WDR26: variants seen among roughly 807,000 people sequenced by gnomAD.
The protein encoded by WDR26 is WD repeat domain 26.
A neutral mutation model predicts 84.1 loss-of-function variants in WDR26; 5 were observed. The ratio of observed to expected loss-of-function variants is 0.06; its 90% CI spans 0.03 to 0.13. WDR26 has a LOEUF of 0.13. WDR26 is among the 10% of genes least tolerant of loss of function. The pLI, the probability that WDR26 is intolerant of heterozygous loss-of-function variation, is 1.00. For synonymous variants in WDR26, 415 were observed against 389.6 expected (o/e 1.07, Z -0.77); for missense variants, 642 against 974.9 (o/e 0.66, Z 4.55).
intron 7 of WDR26, among the ~76,000 whole-genome samples, chr1:224,409,689 C>T (rs991369603): frequency 8.6e-5 from 13 of 151,640 alleles, no homozygotes; most frequent in Non-Finnish European, 1.5e-4. Flanking sequence ...GGTGAAACCC[C>T]GTCTCTACTT....
At chr1:224,407,474 G>A (rs1019355606) in intron 7 of WDR26, among the ~76,000 whole-genome samples, 8 of 143,834 alleles carry the variant, frequency 5.6e-5, no homozygotes, top group African/African-American at 1.6e-4. Context: ...ACACACACAC[G>A]TTCAAAAAGG....
At chr1:224,423,570 G>A (rs539282591) in intron 4 of WDR26, among the ~76,000 whole-genome samples, 1 of 152,284 alleles carries the variant, frequency 6.6e-6, no homozygotes, top group African/African-American at 2.4e-5. Flanking sequence ...GCAACATAGC[G>A]AGACCTGTCT....
intron 4 of WDR26, among the ~76,000 whole-genome samples, chr1:224,419,880 G>GTTTCT (rs1674010590): frequency 5.3e-4 from 4 of 7,508 alleles, no homozygotes; most frequent in Admixed American, 4.3e-3. Context: ...TTATTGTGCA[G>GTTTCT]GTTCTAGCAC....
intron 3 of WDR26, among the ~76,000 whole-genome samples, chr1:224,426,837 C>G (rs912762606): frequency 8.6e-5 from 13 of 151,656 alleles, no homozygotes; most frequent in Non-Finnish European, 5.9e-5. Context: ...TGGCTCACAC[C>G]TGTAATCCCA....
chr1:224,421,396 C>T (rs987695656), intron 4 of WDR26, among the ~76,000 whole-genome samples: 1 of 151,996 alleles, frequency 6.6e-6, no homozygotes, highest in Non-Finnish European at 1.5e-5. Context: ...ACTAGCCTGG[C>T]CAACATGGCG....
At chr1:224,407,151 A>AAAAAAAGAAAATATATATATATAT in intron 7 of WDR26, among the ~76,000 whole-genome samples, 1 of 11,868 alleles carries the variant, frequency 8.4e-5, no homozygotes, top group Non-Finnish European at 1.4e-4. Flanking sequence ...AAAAAAAAAA[A>AAAAAAAGAAAATATATATATATAT]ATATATATAT....
At chr1:224,405,741 A>G (rs1023244387) in intron 7 of WDR26, among the ~76,000 whole-genome samples, 4 of 152,258 alleles carry the variant, frequency 2.6e-5, no homozygotes, top group Non-Finnish European at 5.9e-5. Context: ...ATTGTATGCT[A>G]TGCAAGCTGA....
chr1:224,406,951 G>A (rs1195771086), intron 7 of WDR26, among the ~76,000 whole-genome samples: 2 of 150,292 alleles, frequency 1.3e-5, no homozygotes, highest in African/African-American at 2.5e-5. Flanking sequence ...GTGAAACCCT[G>A]TCTCTACTAA....
chr1:224,410,236 G>A (rs1335982438), intron 7 of WDR26, among the ~76,000 whole-genome samples: 1 of 141,304 alleles, frequency 7.1e-6, no homozygotes. Flanking sequence ...AGCCAAGATC[G>A]CACCATTGCA....
chr1:224,434,571 T>A lies in WDR26; in HGVS notation c.-166A>T. On this transcript the variant is annotated 5_prime_UTR_variant, in exon 1 of 14. Transcript: ENST00000414423. ...GGGGAGAAGGAGGATCCGGGCCCTTTCCCCCCCCCCTCCCGGAGGCAGCTC... is the reference window on the plus strand; with the variant it reads ...GGGGAGAAGGAGGATCCGGGCCCTTACCCCCCCCCCTCCCGGAGGCAGCTC... The A allele has an allele frequency of 3.4e-6, 1 of 295,976 alleles. No individual in the cohort carries two copies. Among genetic ancestry groups the A allele is most frequent in the Non-Finnish European group, 4.4e-6 (1 of 228,142 alleles). The allele number at this position is 295,976 out of a possible 1,614,324, so 18.3% of individuals were successfully genotyped here.
At chr1:224,424,918 G>A (rs527932294) in intron 3 of WDR26, among the ~76,000 whole-genome samples, 1 of 152,232 alleles carries the variant, frequency 6.6e-6, no homozygotes, top group South Asian at 2.1e-4. Context: ...TGAGGCATCA[G>A]CCTTGGAAAA....
Position 224,401,028 on chromosome 1 carries a change from G to A in WDR26, c.1641C>T (p.Asp547=). 6.2e-7 allele frequency: 1 copy of A among 1,613,994 alleles called. No homozygotes were observed. Among genetic ancestry groups the A allele is most frequent in the Non-Finnish European group, 8.5e-7 (1 of 1,179,950 alleles). Residue 547 remains aspartate (D), a synonymous_variant, in exon 9 of 14, where the codon GAC becomes GAT. Transcript: ENST00000414423. ...GATTCCAAGCCACACTTGTCAAACTGTCTTCATGAGACTGGCTCATTTTTG... is the reference window on the plus strand; with the variant it reads ...GATTCCAAGCCACACTTGTCAAACTATCTTCATGAGACTGGCTCATTTTTG...
intron 4 of WDR26, among the ~76,000 whole-genome samples, chr1:224,420,301 C>T (rs1198729902): frequency 6.6e-6 from 1 of 152,130 alleles, no homozygotes; most frequent in Non-Finnish European, 1.5e-5. Context: ...ACATGAGGGG[C>T]CCCTGCTGGG....
intron 12 of WDR26, among the ~76,000 whole-genome samples, chr1:224,395,336 TA>T (rs1225918177): frequency 6.6e-6 from 1 of 152,206 alleles, no homozygotes. Flanking sequence ...TAGAAAGGTG[TA>T]TAACTTAATG....
rs532273023 is a variant in WDR26, at chr1:224,413,215, C to G, written c.1320-1650G>C. 6.9e-5 allele frequency: 55 copies of G among 793,412 alleles called. No individual in the cohort carries two copies. The East Asian group carries it at 2.0e-3, about 29-fold the overall frequency. 49.1% of individuals were successfully genotyped at this position (793,412 alleles called of 1,614,324 possible). ...CAACAACAACAACAAAAACCCCCCC[C>G]CCCAAAAAAAACGTTATTTAAACAA... On this transcript the variant is annotated intron_variant, in intron 6 of 13. Coordinates refer to ENST00000414423, the MANE Select transcript of WDR26 (RefSeq NM_001379403.1).
chr1:224,389,978 T>A, intron 13 of WDR26, 118 bp from the exon 14 acceptor site: 1 of 693,462 alleles, frequency 1.4e-6, no homozygotes, highest in South Asian at 2.0e-5. Context: ...TACAAAATTA[T>A]ACTAACATTA....
intron 1 of WDR26, 91 bp downstream of exon 1, chr1:224,433,593 G>GGCCCCCCC: frequency 1.2e-6 from 1 of 829,660 alleles, no homozygotes; most frequent in Non-Finnish European, 1.8e-6. Context: ...GCTCTTTCAA[G>GGCCCCCCC]CCCCCCTCCC....
chr1:224,392,504 TCA>T (rs1244333289), intron 13 of WDR26, among the ~76,000 whole-genome samples: 1 of 152,204 alleles, frequency 6.6e-6, no homozygotes, highest in African/African-American at 2.4e-5. Context: ...ACAGATTGAA[TCA>T]CAGTTGCAGA....
chr1:224,399,032 G>A lies in WDR26; in HGVS notation c.1722C>T (p.Asp574=), dbSNP rs752196408. 26 of 1,535,464 alleles carry A rather than the reference G, an allele frequency of 1.7e-5. No homozygotes were observed. Among genetic ancestry groups the A allele is most frequent in the Non-Finnish European group, 2.3e-5 (26 of 1,149,476 alleles). Residue 574 remains aspartate, a splice_region_variant and synonymous_variant, in exon 10 of 14, where the codon GAC becomes GAT. Transcript: ENST00000414423. ...AGGAGTCAAGGAGATTACCATCTAAGTCCTGAGTAAGAAAAAACTACTATT... is the reference window on the plus strand; with the variant it reads ...AGGAGTCAAGGAGATTACCATCTAAATCCTGAGTAAGAAAAAACTACTATT...
Sources: allele counts gnomAD v4.1 joint callset (sites outside exome capture counted in the v4.1 genomes callset), GRCh38; gene constraint gnomAD v4.1.1; transcripts MANE v1.5; gene names NCBI Gene and HGNC (gene_info 2026-07-23, HGNC 2026-07-21).